DERL1: variants seen among roughly 807,000 people sequenced by gnomAD.
DERL1 encodes derlin 1.
DERL1 carries 24 observed loss-of-function variants against 41.6 expected under a neutral mutation model. The ratio of observed to expected loss-of-function variants is 0.58; its 90% confidence interval spans 0.42 to 0.81. The LOEUF (loss-of-function observed/expected upper bound fraction) is 0.81, where lower values mean the gene tolerates loss of function less well. DERL1 is among the 30% of genes least tolerant of loss of function. DERL1 has a pLI of 0.00. For synonymous variants in DERL1, 124 were observed against 112.5 expected, an observed-to-expected ratio of 1.10 and a Z score of -0.65; for missense variants, 260 against 314.3, an observed-to-expected ratio of 0.83 and a Z score of 1.31.
chr8:123,022,596 C>T, intron 5 of DERL1, 88 bp downstream of exon 5: 1 of 1,309,006 alleles, frequency 7.6e-7, no homozygotes, highest in Admixed American at 1.7e-5. Flanking sequence ...GTGACCCCTT[C>T]TGGATGAGTC....
rs530415218 is a variant in DERL1 at position 123,015,772 on chromosome 8, G to A, written c.618-187C>T. 14 of 574,848 alleles carry A rather than the reference G, an allele frequency of 2.4e-5. No individual in the cohort carries two copies. In the South Asian group the frequency reaches 3.2e-4, roughly 13 times the overall value. 35.6% of individuals were successfully genotyped at this position (574,848 alleles called of 1,614,324 possible). A position where few individuals can be genotyped will look rare whatever the true frequency, so the allele number is the denominator to read the frequency against. On this transcript the variant is annotated intron_variant, in intron 7 of 7. Coordinates refer to ENST00000259512, the MANE Select transcript of DERL1 (RefSeq NM_024295.6). ...TCAGCCCCATGACCTGACCACAGAC[G>A]GCATTCGTTTTTCATGTTTCTTAAA... is the stretch of plus-strand genomic sequence containing the variant.
In DERL1 at chr8:123,015,258, G is replaced by C. The variant is rs1022503416; in HGVS notation, c.*189C>G. On this transcript the variant is annotated 3_prime_UTR_variant, in exon 8 of 8. Transcript: ENST00000259512. Reference sequence around the variant, plus strand: ...TTGTTCTTCACAGCAGTAAGGACTTGAATGAGAATCGTGAAACTTGTGGAA... The same window carrying C: ...TTGTTCTTCACAGCAGTAAGGACTTCAATGAGAATCGTGAAACTTGTGGAA... 1 of 794,874 alleles carries C rather than the reference G, an allele frequency of 1.3e-6. No individual in the cohort carries two copies. Among genetic ancestry groups the C allele is most frequent in the Non-Finnish European group, 1.9e-6 (1 of 535,760 alleles). The allele number at this position is 794,874 out of a possible 1,614,324, so 49.2% of individuals were successfully genotyped here.
At chr8:123,030,373 C>G (rs895472838) in intron 2 of DERL1, 7 of 359,258 alleles carry the variant, frequency 1.9e-5, no homozygotes, top group Non-Finnish European at 3.5e-5. Flanking sequence ...TGATCTGCTA[C>G]TTTTTGCATC....
chr8:123,028,151 T>C (rs1388151915), intron 2 of DERL1, among the ~76,000 whole-genome samples: 2 of 152,084 alleles, frequency 1.3e-5, no homozygotes, highest in African/African-American at 2.4e-5. Flanking sequence ...GTCCTTATAG[T>C]TCAGAGTTAA....
chr8:123,032,060 T>A (rs1163346030), intron 1 of DERL1, among the ~76,000 whole-genome samples: 1 of 152,206 alleles, frequency 6.6e-6, no homozygotes, highest in African/African-American at 2.4e-5. Flanking sequence ...TTATTTGCAT[T>A]ATGAGAAGTC....
chr8:123,038,859 G>A (rs1281709234), intron 1 of DERL1, among the ~76,000 whole-genome samples: 1 of 152,174 alleles, frequency 6.6e-6, no homozygotes, highest in African/African-American at 2.4e-5. Context: ...GCACTCCAGA[G>A]TCATGTTTTT....
rs1430797208 is a variant in DERL1 at position 123,014,080 on chromosome 8, C to T, written c.*1367G>A. The T allele has an allele frequency of 1.3e-5, 2 of 152,144 alleles. No homozygotes were observed. The highest frequency in any genetic ancestry group is 2.9e-5 in the Non-Finnish European group (2 of 68,042). The allele number at this position is 152,144 out of a possible 1,614,324, so 9.4% of individuals were successfully genotyped here. On this transcript the variant is annotated 3_prime_UTR_variant, in exon 8 of 8. Transcript: ENST00000259512. ...TAGTTGCCTCAAAGTGTGACAGCCA[C>T]TCAATACTGCTCCTAACAGTCTGCT...
chr8:123,035,857 T>G (rs182801519), intron 1 of DERL1, among the ~76,000 whole-genome samples: 2 of 130,560 alleles, frequency 1.5e-5, no homozygotes, highest in Admixed American at 1.5e-4. Context: ...GAATCTAGTG[T>G]TTTTTTTTTT....
intron 1 of DERL1, among the ~76,000 whole-genome samples, chr8:123,034,848 G>C (rs887776919): frequency 6.6e-6 from 1 of 152,168 alleles, no homozygotes. Context: ...AAGTATGGAC[G>C]TCAAATTGGC....
intron 1 of DERL1, among the ~76,000 whole-genome samples, chr8:123,032,152 C>G (rs975162729): frequency 4.6e-5 from 7 of 151,018 alleles, no homozygotes; most frequent in Non-Finnish European, 1.0e-4. Flanking sequence ...TTTTCCCCCC[C>G]GAGATAGGAT....
rs780936168 is a variant in DERL1 at position 123,021,455 on chromosome 8, G to A, written c.498C>T (p.Ile166=). The change falls in exon 6 of 8, where the codon ATC becomes ATT. Residue 166 remains isoleucine (I), a synonymous_variant. Coordinates refer to ENST00000259512, the MANE Select transcript of DERL1 (RefSeq NM_024295.6). ...PWVILGFNYI[I]GGSVINELIG... Reference sequence around the variant, plus strand: ...AATCTAATATCACTTACGAGCCTCCGATGATATAGTTGAATCCAAGGATAA... The same window carrying A: ...AATCTAATATCACTTACGAGCCTCCAATGATATAGTTGAATCCAAGGATAA... 18 of 1,613,544 alleles carry A rather than the reference G, an allele frequency of 1.1e-5. No homozygotes were observed. Among genetic ancestry groups the A allele is most frequent in the Middle Eastern group, 1.6e-4 (1 of 6,062 alleles).
intron 2 of DERL1, among the ~76,000 whole-genome samples, chr8:123,027,910 A>C (rs1244523181): frequency 1.3e-5 from 2 of 152,102 alleles, no homozygotes; most frequent in Non-Finnish European, 2.9e-5. Context: ...AAAAACACAA[A>C]AATTAGCCAG....
At chr8:123,017,375 C>T (rs904463178) in intron 7 of DERL1, 86 of 152,232 alleles carry the variant, frequency 5.6e-4, no homozygotes, top group African/African-American at 2.0e-3. Context: ...CTCCAAAGTA[C>T]ATAATAAAAT....
chr8:123,038,537 G>A (rs1393270470), intron 1 of DERL1, among the ~76,000 whole-genome samples: 2 of 152,306 alleles, frequency 1.3e-5, no homozygotes, highest in South Asian at 2.1e-4. Context: ...TGACAAGAAC[G>A]ATTACTCTTT....
At chr8:123,027,293 C>CAAA (rs1491294516) in intron 2 of DERL1, among the ~76,000 whole-genome samples, 5 of 27,244 alleles carry the variant, frequency 1.8e-4, no homozygotes, top group African/African-American at 5.7e-4. Context: ...GACCCTGTCT[C>CAAA]AAAAAAAAAA....
At chr8:123,022,320 C>A (rs1812574164) in intron 5 of DERL1, among the ~76,000 whole-genome samples, 1 of 152,132 alleles carries the variant, frequency 6.6e-6, no homozygotes, top group Admixed American at 6.5e-5. Flanking sequence ...GGGGCAAAAA[C>A]AATCTGTTTC....
At chr8:123,041,058 G>C (rs546993856) in intron 1 of DERL1, among the ~76,000 whole-genome samples, 2 of 152,278 alleles carry the variant, frequency 1.3e-5, no homozygotes, top group South Asian at 2.1e-4. Context: ...ACCACCTAAA[G>C]CTAGGGAGAG....
At chr8:123,029,588 AG>A (rs754039828) in intron 2 of DERL1, among the ~76,000 whole-genome samples, 2 of 152,214 alleles carry the variant, frequency 1.3e-5, no homozygotes, top group African/African-American at 2.4e-5. Flanking sequence ...CTCTGAAGTC[AG>A]TCAGCCTTTT....
intron 7 of DERL1, chr8:123,018,555 C>T (rs117551449): frequency 0.013 from 1,960 of 152,254 alleles, 14 homozygotes; most frequent in Non-Finnish European, 0.019. Context: ...AAGTAACTTT[C>T]CCAGTATAAA....
Sources: gnomAD v4.1 joint callset for allele counts (sites outside exome capture counted in the v4.1 genomes callset) on GRCh38, gnomAD v4.1.1 for gene constraint, MANE v1.5 for transcripts, NCBI Gene and HGNC (gene_info 2026-07-23, HGNC 2026-07-21) for gene names.